The following TEX9 variants were observed in gnomAD, a reference collection of about 807,000 sequenced individuals.
TEX9 encodes the protein testis expressed 9.
A neutral mutation model predicts 59.6 loss-of-function variants in TEX9; 74 were observed. The ratio of observed to expected loss-of-function variants is 1.24; its 90% CI spans 1.03 to 1.51. TEX9 has a LOEUF of 1.51. Ranked by LOEUF, TEX9 falls within the 40% of genes most tolerant of loss-of-function variation. The probability of loss-of-function intolerance (pLI) is 0.00; values close to 1 mark genes in which losing one functional copy is unlikely to be tolerated. For synonymous variants in TEX9, 186 were observed against 152.2 expected, an observed-to-expected ratio of 1.22 and a Z score of -1.64; for missense variants, 522 against 447.8, an observed-to-expected ratio of 1.17 and a Z score of -1.49.
intron 1 of TEX9, among the ~76,000 whole-genome samples, chr15:56,358,274 T>C (rs2046721590): frequency 1.3e-5 from 2 of 152,062 alleles, no homozygotes; most frequent in Non-Finnish European, 2.9e-5. Flanking sequence ...ATCTGGAGAA[T>C]GAGATGTCAG....
intron 3 of TEX9, among the ~76,000 whole-genome samples, chr15:56,379,854 C>G (rs1210670402): frequency 8.6e-6 from 1 of 116,238 alleles, no homozygotes; most frequent in Non-Finnish European, 1.8e-5. Flanking sequence ...TATAGGTTCT[C>G]CTGCTTTTTT....
At chr15:56,422,106 G>C (rs2050005668) in intron 10 of TEX9, among the ~76,000 whole-genome samples, 1 of 111,208 alleles carries the variant, frequency 9.0e-6, no homozygotes, top group Non-Finnish European at 1.8e-5. Flanking sequence ...GTTGTGGGGA[G>C]GGGGGAGGGG....
intron 1 of TEX9, among the ~76,000 whole-genome samples, chr15:56,249,817 T>C (rs1479722694): frequency 7.7e-6 from 1 of 129,054 alleles, no homozygotes; most frequent in African/African-American, 2.9e-5. Flanking sequence ...GAAAAAAAAA[T>C]TCCCATGAGC....
intron 1 of TEX9, among the ~76,000 whole-genome samples, chr15:56,288,356 G>C (rs8032923): frequency 0.027 from 4,007 of 150,220 alleles, 174 homozygotes; most frequent in African/African-American, 0.093. Flanking sequence ...ATGTTTTTTT[G>C]TGTTACTAAT....
chr15:56,459,694 C>G, the TEX9 span, among the ~76,000 whole-genome samples: 1 of 151,802 alleles, frequency 6.6e-6, no homozygotes, highest in African/African-American at 2.4e-5. Context: ...GGAGAAGAAA[C>G]AATGACTGGC....
At chr15:56,446,479 T>C (rs1339459690), downstream of TEX9, among the ~76,000 whole-genome samples, 8 of 151,970 alleles carry the variant, frequency 5.3e-5, no homozygotes, top group African/African-American at 1.9e-4. Context: ...AATTATCAAG[T>C]AGTTTACTCT....
intron 3 of TEX9, 129 bp downstream of exon 3, chr15:56,373,633 T>C: frequency 1.5e-6 from 1 of 683,198 alleles, no homozygotes; most frequent in South Asian, 2.6e-5. Flanking sequence ...TTATTACAAA[T>C]TGAACATGAA....
At chr15:56,430,582 C>A in intron 12 of TEX9, among the ~76,000 whole-genome samples, 1 of 152,166 alleles carries the variant, frequency 6.6e-6, no homozygotes, top group Non-Finnish European at 1.5e-5. Flanking sequence ...TTTTAAAAAT[C>A]AAGTTTAACT....
rs1046217329 is a variant in TEX9, at chr15:56,355,557, C to T, written c.-106-17884C>T. 3.9e-5 allele frequency among the ~76,000 whole-genome samples: 6 copies of T among 152,096 alleles called. 1 individual carries two copies. Among genetic ancestry groups the T allele is most frequent in the Middle Eastern group, 3.2e-3 (1 of 316 alleles). On this transcript the variant is annotated intron_variant, in intron 1 of 5. Transcript: ENST00000560827. ...AGTTATTGTTAATTCTTCAACATTG[C>T]TATTCTTATTCTTTCTCAAAATTGT...
intron 3 of TEX9, among the ~76,000 whole-genome samples, chr15:56,374,798 T>C (rs2682039): frequency 0.032 from 4,823 of 152,266 alleles, 187 homozygotes; most frequent in East Asian, 0.097. Context: ...AGTGAGAGCA[T>C]GTGAAGTTTG....
chr15:56,326,488 CTGAGT>C (rs1201320976), intron 1 of TEX9, among the ~76,000 whole-genome samples: 1 of 151,962 alleles, frequency 6.6e-6, no homozygotes, highest in African/African-American at 2.4e-5. Context: ...CATAAATAAT[CTGAGT>C]TATTTTTAGA....
chr15:56,376,160 A>G (rs2047443043), intron 3 of TEX9, among the ~76,000 whole-genome samples: 1 of 151,568 alleles, frequency 6.6e-6, no homozygotes, highest in African/African-American at 2.4e-5. Flanking sequence ...AGCATGGCAC[A>G]TGTATACATA....
chr15:56,349,202 A>G (rs2046529079), intron 1 of TEX9, among the ~76,000 whole-genome samples: 1 of 152,164 alleles, frequency 6.6e-6, no homozygotes, highest in Non-Finnish European at 1.5e-5. Flanking sequence ...ATTGTATCTT[A>G]GATAATATGA....
chr15:56,276,247 G>A (rs2044665341), intron 1 of TEX9, among the ~76,000 whole-genome samples: 1 of 151,964 alleles, frequency 6.6e-6, no homozygotes, highest in Non-Finnish European at 1.5e-5. Context: ...GGGCCATGGT[G>A]GTTTGCTGCA....
At chr15:56,336,533 C>G (rs2046260662) in intron 1 of TEX9, among the ~76,000 whole-genome samples, 1 of 152,166 alleles carries the variant, frequency 6.6e-6, no homozygotes, top group African/African-American at 2.4e-5. Context: ...CTTCCAGCCT[C>G]CAGAACTGTG....
chr15:56,401,470 C>T (rs2048778829), intron 9 of TEX9, among the ~76,000 whole-genome samples: 1 of 152,132 alleles, frequency 6.6e-6, no homozygotes, highest in African/African-American at 2.4e-5. Flanking sequence ...GCACCCAATA[C>T]AGGAACACCC....
At chr15:56,443,304 A>T in intron 12 of TEX9, 1 of 644,426 alleles carries the variant, frequency 1.6e-6, no homozygotes, top group Non-Finnish European at 2.4e-6. Context: ...TTTTAACTGT[A>T]GTATACCATT....
intron 10 of TEX9, chr15:56,421,853 A>G (rs1312724559): frequency 6.6e-6 from 1 of 151,432 alleles, no homozygotes; most frequent in Admixed American, 6.6e-5. Flanking sequence ...CATTTTCTTA[A>G]TTCAGTCTAT....
At chr15:56,415,737 C>A (rs1057366970) in intron 10 of TEX9, among the ~76,000 whole-genome samples, 6 of 151,756 alleles carry the variant, frequency 4.0e-5, no homozygotes, top group Non-Finnish European at 7.4e-5. Flanking sequence ...TTTGTGGTTC[C>A]ATGTGAATTT....
Sources: allele counts gnomAD v4.1 joint callset (sites outside exome capture counted in the v4.1 genomes callset), GRCh38; gene constraint gnomAD v4.1.1; transcripts MANE v1.5; gene names NCBI Gene and HGNC (gene_info 2026-07-23, HGNC 2026-07-21).